The following ACCSL variants were observed in gnomAD, a reference collection of about 807,000 sequenced individuals.
The protein encoded by ACCSL is 1-aminocyclopropane-1-carboxylate synthase homolog (inactive) like, also known as probable inactive 1-aminocyclopropane-1-carboxylate synthase-like protein 2.
ACCSL carries 55 observed loss-of-function variants against 61.7 expected under a neutral mutation model. The observed-to-expected ratio is 0.89, with a 90% CI of 0.72 to 1.12. The LOEUF (loss-of-function observed/expected upper bound fraction) is 1.12. Among genes scored for constraint, ACCSL ranks in the 50% most tolerant of loss-of-function variants. The pLI is 0.00. For missense variants in ACCSL, 632 were observed against 698.0 expected (o/e 0.91, Z 1.07); for synonymous variants, 258 against 264.3 (o/e 0.98, Z 0.23).
the ACCSL span, among the ~76,000 whole-genome samples, chr11:43,926,990 G>GC: frequency 6.6e-6 from 1 of 152,186 alleles, no homozygotes; most frequent in Non-Finnish European, 1.5e-5. Context: ...CAAGCGATCC[G>GC]CCCCCCATCG....
chr11:43,943,552 C>A, the ACCSL span: 1 of 1,317,482 alleles, frequency 7.6e-7, no homozygotes, highest in Non-Finnish European at 1.0e-6. This position sits in a 1 kb window ranked among gnomAD's most constrained non-coding sequence, Gnocchi z 4.8. Context: ...TGAGTGTGTG[C>A]GGGGAGGCGC....
chr11:43,947,735 G>T, the ACCSL span, among the ~76,000 whole-genome samples: 1 of 57,802 alleles, frequency 1.7e-5, no homozygotes, highest in Non-Finnish European at 3.4e-5. Flanking sequence ...CACTGAGACA[G>T]TGAAAGAGAG....
chr11:43,969,620 A>G, the ACCSL span, among the ~76,000 whole-genome samples: 1 of 151,804 alleles, frequency 6.6e-6, no homozygotes, highest in South Asian at 2.1e-4. Context: ...ATCCTGGGTC[A>G]GTGACTCCCG....
the ACCSL span, chr11:43,947,204 T>A: frequency 6.6e-6 from 1 of 152,040 alleles, no homozygotes; most frequent in Non-Finnish European, 1.5e-5. Context: ...AGCAAGCAGC[T>A]CTCCCGTGAA....
At chr11:44,005,025 C>G in the ACCSL span, among the ~76,000 whole-genome samples, 1 of 152,078 alleles carries the variant, frequency 6.6e-6, no homozygotes, top group Non-Finnish European at 1.5e-5. Context: ...TGAGGTTGGC[C>G]TTGTCTTCAG....
At chr11:44,056,714 C>G (rs1165623973) in intron 11 of ACCSL, among the ~76,000 whole-genome samples, 1 of 152,152 alleles carries the variant, frequency 6.6e-6, no homozygotes, top group African/African-American at 2.4e-5. Context: ...CGCCTGTAAT[C>G]CCAGCTACTT....
the ACCSL span, among the ~76,000 whole-genome samples, chr11:44,020,181 C>T: frequency 6.6e-6 from 1 of 152,122 alleles, no homozygotes; most frequent in Non-Finnish European, 1.5e-5. Context: ...GATCTTGTAT[C>T]CTGCAACTTG....
the ACCSL span, among the ~76,000 whole-genome samples, chr11:44,003,558 G>C: frequency 1.3e-5 from 2 of 151,398 alleles, no homozygotes; most frequent in Non-Finnish European, 2.9e-5. Flanking sequence ...CAGGTGAATC[G>C]CTTGAACCCA....
the ACCSL span, among the ~76,000 whole-genome samples, chr11:43,942,071 T>TGC: frequency 8.8e-3 from 1,242 of 140,500 alleles, 22 homozygotes; most frequent in African/African-American, 0.032. Context: ...TGTGTGTGTG[T>TGC]GTGTGCGCGC....
intron 13 of ACCSL, 44 bp downstream of exon 13, chr11:44,058,743 A>G (rs747381873): frequency 6.4e-7 from 1 of 1,573,056 alleles, no homozygotes; most frequent in Admixed American, 1.8e-5. Flanking sequence ...CGCCCCATCA[A>G]TTTAATATGT....
the ACCSL span, among the ~76,000 whole-genome samples, chr11:43,938,535 GACTCACGCCTGTAATCCCAGC>G: frequency 6.6e-6 from 1 of 152,228 alleles, no homozygotes; most frequent in African/African-American, 2.4e-5. Context: ...TGCGTGCAGT[GACTCACGCCTGTAATCCCAGC>G]ACTTTGGGAG....
the ACCSL span, among the ~76,000 whole-genome samples, chr11:43,979,347 A>G: frequency 6.6e-6 from 1 of 152,116 alleles, no homozygotes; most frequent in African/African-American, 2.4e-5. Context: ...AGAAAAAAAC[A>G]AAAACAAAAA....
chr11:44,035,588 G>C, the ACCSL span, among the ~76,000 whole-genome samples: 32 of 152,260 alleles, frequency 2.1e-4, no homozygotes, highest in African/African-American at 7.5e-4. Flanking sequence ...GATCTTCACA[G>C]TCTGGGTCTG....
chr11:43,958,055 A>G, the ACCSL span, among the ~76,000 whole-genome samples: 2 of 152,230 alleles, frequency 1.3e-5, no homozygotes, highest in East Asian at 3.9e-4. Flanking sequence ...TAGCTTTGGA[A>G]AGGAATTTAG....
chr11:43,933,410 C>T, the ACCSL span: 4,235 of 275,906 alleles, frequency 0.015, 62 homozygotes, highest in East Asian at 0.068. Context: ...CCTGCCTTGC[C>T]GCTGGCTGTG....
At chr11:43,927,106 GA>G in the ACCSL span, among the ~76,000 whole-genome samples, 1 of 152,228 alleles carries the variant, frequency 6.6e-6, no homozygotes, top group Non-Finnish European at 1.5e-5. Flanking sequence ...CTTTTTAAAA[GA>G]AAAAATTACC....
At chr11:43,978,891 G>A in the ACCSL span, among the ~76,000 whole-genome samples, 1 of 148,356 alleles carries the variant, frequency 6.7e-6, no homozygotes, top group Non-Finnish European at 1.5e-5. Flanking sequence ...TCGGGTAAGG[G>A]GTTTTCATTT....
chr11:43,927,570 T>C, the ACCSL span, among the ~76,000 whole-genome samples: 3 of 152,258 alleles, frequency 2.0e-5, no homozygotes, highest in African/African-American at 7.2e-5. Flanking sequence ...CTTCCACTGG[T>C]GTGGCTGGGT....
chr11:44,006,498 GAT>G, the ACCSL span, among the ~76,000 whole-genome samples: 2 of 116,426 alleles, frequency 1.7e-5, no homozygotes, highest in Admixed American at 1.1e-4. Flanking sequence ...ACCTCTTTGA[GAT>G]TTTTTTTTTT....
Sources: allele counts gnomAD v4.1 joint callset (sites outside exome capture counted in the v4.1 genomes callset), GRCh38; gene constraint gnomAD v4.1.1; non-coding constraint Gnocchi (gnomAD v3.1); transcripts MANE v1.5; gene names NCBI Gene and HGNC (gene_info 2026-07-23, HGNC 2026-07-21).